The following IL17RE variants were observed in gnomAD, a reference collection of about 807,000 sequenced individuals.
The protein encoded by IL17RE is interleukin 17 receptor E.
In IL17RE, 47 loss-of-function variants were observed where a neutral mutation model predicts 70.7. The observed-to-expected ratio is 0.67, with a 90% CI of 0.53 to 0.85. The LOEUF is 0.85. Among genes scored for constraint, IL17RE ranks in the 40% least tolerant of loss-of-function variants. The pLI is 0.00. For synonymous variants in IL17RE, 372 were observed against 381.2 expected, an observed-to-expected ratio of 0.98 and a Z score of 0.28; for missense variants, 850 against 893.9, an observed-to-expected ratio of 0.95 and a Z score of 0.63.
Position 9,915,499 on chromosome 3 carries a change from C to G in IL17RE, c.1696C>G (p.Pro566Ala). Reference protein sequence around the residue: ...LLLWSGADLRPVSGPDPRAAP... With the variant: ...LLLWSGADLRAVSGPDPRAAP... ...GCTGTGGAGCGGCGCCGACCTTCGCCCGGTCAGCGGCCCCGACCCCCGCGC... is the reference window on the plus strand; with the variant it reads ...GCTGTGGAGCGGCGCCGACCTTCGCGCGGTCAGCGGCCCCGACCCCCGCGC... The change falls in exon 16 of 16, where the codon CCG becomes GCG. Residue 566 changes from proline (P) to alanine (A), a missense_variant. Physicochemically the swap from Pro to Ala is conservative, Grantham distance 27. Transcript: ENST00000383814. The surrounding 1 kb of genome is among the most constrained non-coding windows in gnomAD (Gnocchi z 4.9). 7.6e-7 allele frequency: 1 copy of G among 1,314,158 alleles called. No individual in the cohort carries two copies. The highest frequency in any genetic ancestry group is 2.3e-5 in the South Asian group (1 of 43,652). 81.4% of individuals were successfully genotyped at this position (1,314,158 alleles called of 1,614,324 possible).
At position 9,911,580 on chromosome 3, in the gene IL17RE, G is replaced by A. The variant is rs548604857; in HGVS notation, c.1210G>A (p.Val404Met). 28 of 1,613,174 alleles carry A rather than the reference G, an allele frequency of 1.7e-5. No homozygotes were observed. Among genetic ancestry groups the A allele is most frequent in the Middle Eastern group, 1.6e-4 (1 of 6,062 alleles). The change falls in exon 12 of 16, where the codon GTG (valine) becomes ATG (methionine). Residue 404 changes from valine to methionine, a missense_variant. Val to Met is a conservative substitution (Grantham distance 21). Transcript: ENST00000383814. Reference protein sequence around the residue: ...GLGQDTLVPPVYTVSQARGSS... With the variant: ...GLGQDTLVPPMYTVSQARGSS... The stretch of plus-strand genomic sequence containing the variant: ...GGGGCAGGACACTTTGGTGCCCCCC[G>A]TGTACACTGTCAGCCAGGTATGGCC...
chr3:9,905,236 AC>A (rs1375198440), intron 3 of IL17RE, among the ~76,000 whole-genome samples: 16 of 144,644 alleles, frequency 1.1e-4, no homozygotes, highest in Admixed American at 1.0e-3. Context: ...CGGGCAGATC[AC>A]CTGAGGTCAG....
chr3:9,907,095 G>A lies in IL17RE; in HGVS notation c.661G>A (p.Val221Ile). ...ECEELSSPYD[V>I]QKIVSGGHTV... The stretch of plus-strand genomic sequence containing the variant: ...TGAAGAGCTGAGCAGTCCCTATGAT[G>A]TCCAGGTATGGTGTGTCATCCCCCT... The change falls in exon 6 of 16, where the codon GTC (valine) becomes ATC (isoleucine). Residue 221 changes from valine to isoleucine, a missense_variant. By Grantham distance (29) the Val-to-Ile change is conservative (BLOSUM62 3). Transcript: ENST00000383814. 3.1e-6 allele frequency: 5 copies of A among 1,614,144 alleles called. No individual in the cohort carries two copies. The highest frequency in any genetic ancestry group is 4.2e-6 in the Non-Finnish European group (5 of 1,180,030).
upstream of IL17RE, chr3:9,902,683 T>G: frequency 2.0e-6 from 3 of 1,536,046 alleles, no homozygotes; most frequent in Non-Finnish European, 1.7e-6. Flanking sequence ...AGGAGCCCCT[T>G]GTCTTTCAGG....
chr3:9,904,241 A>G (rs2082701332), intron 3 of IL17RE, 90 bp downstream of exon 3: 2 of 1,468,612 alleles, frequency 1.4e-6, no homozygotes, highest in Admixed American at 1.7e-5. Context: ...ACTAGAACAG[A>G]TATTTGTCTT....
chr3:9,904,474 T>TAAA (rs2082706989), intron 3 of IL17RE, among the ~76,000 whole-genome samples: 3 of 152,230 alleles, frequency 2.0e-5, no homozygotes. Flanking sequence ...CTAAATGCCC[T>TAAA]TACATTGCTT....
Position 9,915,526 on chromosome 3 carries a change from G to GCGCCCCTGCTCGCCCTGCTCCA in IL17RE, c.1727_1748dup (p.Ala584ProfsTer116). On this transcript the variant is annotated frameshift_variant, in exon 16 of 16. Coordinates refer to ENST00000383814, the MANE Select transcript of IL17RE (RefSeq NM_153480.2). LOFTEE classifies it low-confidence loss of function (END_TRUNC). This position sits in a 1 kb window ranked among gnomAD's most constrained non-coding sequence, Gnocchi z 4.9. ...GGTCAGCGGCCCCGACCCCCGCGCC[G>GCGCCCCTGCTCGCCCTGCTCCA]CGCCCCTGCTCGCCCTGCTCCACGC... The GCGCCCCTGCTCGCCCTGCTCCA allele has an allele frequency of 7.5e-7, 1 of 1,325,750 alleles. No individual in the cohort carries two copies. Among genetic ancestry groups the GCGCCCCTGCTCGCCCTGCTCCA allele is most frequent in the East Asian group, 3.1e-5 (1 of 31,818 alleles). 82.1% of individuals were successfully genotyped at this position (1,325,750 alleles called of 1,614,324 possible).
At chr3:9,908,029 C>T (rs754579358) in intron 6 of IL17RE, among the ~76,000 whole-genome samples, 1 of 152,178 alleles carries the variant, frequency 6.6e-6, no homozygotes, top group African/African-American at 2.4e-5. Flanking sequence ...TTCCCTGTCT[C>T]CTTCCCCCCA....
In IL17RE at chr3:9,915,537, C is replaced by T. The variant is rs1027953296; in HGVS notation, c.1734C>T (p.Leu578=). 1 of 1,362,234 alleles carries T rather than the reference C, an allele frequency of 7.3e-7. No homozygotes were observed. The highest frequency in any genetic ancestry group is 9.4e-7 in the Non-Finnish European group (1 of 1,062,192). The allele number at this position is 1,362,234 out of a possible 1,614,324, so 84.4% of individuals were successfully genotyped here. The change falls in exon 16 of 16, where the codon CTC becomes CTT. Residue 578 remains leucine, a synonymous_variant. Transcript: ENST00000383814. This position sits in a 1 kb window ranked among gnomAD's most constrained non-coding sequence, Gnocchi z 4.9. ...SGPDPRAAPL[L]ALLHAAPRPL... ...CCGACCCCCGCGCCGCGCCCCTGCTCGCCCTGCTCCACGCTGCCCCGCGCC... is the reference window on the plus strand; with the variant it reads ...CCGACCCCCGCGCCGCGCCCCTGCTTGCCCTGCTCCACGCTGCCCCGCGCC...
intron 8 of IL17RE, chr3:9,909,936 A>G (rs188090): frequency 0.54 from 82,362 of 152,178 alleles, 23,116 homozygotes; most frequent in African/African-American, 0.62. Flanking sequence ...AAAAAGGGCA[A>G]GACTTAGAAA....
chr3:9,902,499 C>T (rs746017653), upstream of IL17RE: 20 of 879,858 alleles, frequency 2.3e-5, no homozygotes, highest in South Asian at 2.9e-5. Flanking sequence ...CTTAAGAGCT[C>T]GGCTAATTCT....
intron 12 of IL17RE, among the ~76,000 whole-genome samples, chr3:9,913,241 TAAAAATAC>T (rs1416777464): frequency 2.6e-5 from 4 of 151,890 alleles, no homozygotes; most frequent in African/African-American, 9.7e-5. Flanking sequence ...CCGTCTCTAC[TAAAAATAC>T]AAAAATTAGC....
At position 9,910,933 on chromosome 3, in the gene IL17RE, C is replaced by G; in HGVS notation, c.871C>G (p.Leu291Val). ...CCAGCACACTCAGATGGTCATGGCC[C>G]TGACACTCCGCTGCCCACTGAAGCT... ...YSQHTQMVMALTLRCPLKLEA... is the reference protein window; with the variant it reads ...YSQHTQMVMAVTLRCPLKLEA... The change falls in exon 9 of 16, where the codon CTG (leucine) becomes GTG (valine). Residue 291 changes from leucine (L) to valine (V), a missense_variant. Physicochemically the swap from Leu to Val is conservative, Grantham distance 32 (BLOSUM62 1). Coordinates refer to ENST00000383814, the MANE Select transcript of IL17RE (RefSeq NM_153480.2). 6.2e-7 allele frequency: 1 copy of G among 1,614,172 alleles called. No individual in the cohort carries two copies. The highest frequency in any genetic ancestry group is 8.5e-7 in the Non-Finnish European group (1 of 1,180,030).
In IL17RE at chr3:9,916,079, A is replaced by C. The variant is rs553453111; in HGVS notation, c.*272A>C. 7.2e-6 allele frequency: 3 copies of C among 417,330 alleles called. No homozygotes were observed. Among genetic ancestry groups the C allele is most frequent in the African/African-American group, 2.1e-5 (1 of 48,206 alleles). The allele number at this position is 417,330 out of a possible 1,614,324, so 25.9% of individuals were successfully genotyped here. ...TCCCACTTCCTCTCCAGAACTCCAG[A>C]AAGAGCAGTGTGCTTATGCTTCAGT... On this transcript the variant is annotated 3_prime_UTR_variant, in exon 16 of 16. Coordinates refer to ENST00000383814, the MANE Select transcript of IL17RE (RefSeq NM_153480.2).
Position 9,903,379 on chromosome 3 carries a change from C to A in IL17RE, c.133-18C>A, listed in dbSNP as rs1332980811. The A allele has an allele frequency of 1.2e-6, 2 of 1,613,902 alleles. No individual in the cohort carries two copies. The highest frequency in any genetic ancestry group is 1.7e-6 in the Non-Finnish European group (2 of 1,179,788). On this transcript the variant is annotated intron_variant, in intron 1 of 15. Transcript: ENST00000383814. ...ATAGCTCTTTCCTTTCTTTTCCCTA[C>A]TGGGCCCTGTGCCTCAGGATGACAG...
chr3:9,904,778 A>G (rs1297375303), intron 3 of IL17RE, among the ~76,000 whole-genome samples: 1 of 144,634 alleles, frequency 6.9e-6, no homozygotes, highest in Admixed American at 6.9e-5. Flanking sequence ...CAAGAGCAAA[A>G]CTCCATCTCC....
Position 9,915,688 on chromosome 3 carries a change from C to T in IL17RE, c.1885C>T (p.Arg629Trp). Reference protein sequence around the residue: ...LPRLLRALDARPFAEATSWGR... With the variant: ...LPRLLRALDAWPFAEATSWGR... Reference sequence around the variant, plus strand: ...GCGTCTGCTGCGGGCGCTGGACGCGCGGCCTTTCGCAGAGGCCACCAGCTG... The same window carrying T: ...GCGTCTGCTGCGGGCGCTGGACGCGTGGCCTTTCGCAGAGGCCACCAGCTG... The change falls in exon 16 of 16, where the codon CGG (arginine) becomes TGG (tryptophan). Residue 629 changes from arginine (R) to tryptophan (W), a missense_variant. Coordinates refer to ENST00000383814, the MANE Select transcript of IL17RE (RefSeq NM_153480.2). This position sits in a 1 kb window ranked among gnomAD's most constrained non-coding sequence, Gnocchi z 4.9. 7.2e-7 allele frequency: 1 copy of T among 1,386,294 alleles called. No homozygotes were observed. The highest frequency in any genetic ancestry group is 2.6e-4 in the Middle Eastern group (1 of 3,860). The allele number at this position is 1,386,294 out of a possible 1,614,324, so 85.9% of individuals were successfully genotyped here. A position where few individuals can be genotyped will look rare whatever the true frequency, so the allele number is the denominator to read the frequency against.
intron 3 of IL17RE, among the ~76,000 whole-genome samples, chr3:9,905,056 C>T (rs2082720621): frequency 7.7e-6 from 1 of 129,368 alleles, no homozygotes; most frequent in South Asian, 2.4e-4. Context: ...GATAGCGCCA[C>T]TGCACTCCAG....
intron 7 of IL17RE, 145 bp from the exon 8 acceptor site, chr3:9,909,072 C>T (rs559081813): frequency 1.6e-6 from 1 of 644,020 alleles, no homozygotes; most frequent in Non-Finnish European, 2.8e-6. Flanking sequence ...GCCCCCACCC[C>T]ACATTGCCCC....
Sources: gnomAD v4.1 joint callset for allele counts (sites outside exome capture counted in the v4.1 genomes callset) on GRCh38, gnomAD v4.1.1 for gene constraint, Gnocchi (gnomAD v3.1) non-coding constraint, MANE v1.5 for transcripts, NCBI Gene and HGNC (gene_info 2026-07-23, HGNC 2026-07-21) for gene names.